The following ANKRD6 variants were observed in gnomAD, a reference collection of about 807,000 sequenced individuals.
The protein encoded by ANKRD6 is ankyrin repeat domain-containing protein 6.
In ANKRD6, 56 loss-of-function variants were observed where a neutral mutation model predicts 82.3. That is an observed-to-expected ratio of 0.68 (90% CI 0.55 to 0.85). The LOEUF (loss-of-function observed/expected upper bound fraction) is 0.85. ANKRD6 is among the 40% of genes least tolerant of loss of function. The probability of loss-of-function intolerance (pLI) is 0.00; values close to 1 mark genes in which losing one functional copy is unlikely to be tolerated. For missense variants in ANKRD6, 852 were observed against 907.6 expected (o/e 0.94, Z 0.79); for synonymous variants, 347 against 352.1 (o/e 0.99, Z 0.16).
intron 3 of ANKRD6, among the ~76,000 whole-genome samples, chr6:89,596,331 G>C (rs767794847): frequency 2.6e-4 from 40 of 152,116 alleles, no homozygotes; most frequent in Non-Finnish European, 8.8e-5. Flanking sequence ...TCCTGTCTCA[G>C]CATAAAGAGA....
intron 2 of ANKRD6, among the ~76,000 whole-genome samples, chr6:89,590,276 C>T (rs933949419): frequency 2.6e-5 from 4 of 152,084 alleles, no homozygotes; most frequent in African/African-American, 7.2e-5. Flanking sequence ...GCCTGAAGTG[C>T]GGGTTTAGCC....
At chr6:89,467,253 T>C (rs568127838) in intron 1 of ANKRD6, among the ~76,000 whole-genome samples, 8 of 152,120 alleles carry the variant, frequency 5.3e-5, no homozygotes, top group Admixed American at 1.3e-4. Flanking sequence ...ATTCATGAGG[T>C]CTCTTAGAGA....
chr6:89,535,058 C>T (rs1180479984), intron 1 of ANKRD6, among the ~76,000 whole-genome samples: 2 of 152,092 alleles, frequency 1.3e-5, no homozygotes, highest in Admixed American at 1.3e-4. Context: ...TTAAGTAGAG[C>T]ACATAGCTTC....
chr6:89,528,412 A>G (rs1033776825), intron 1 of ANKRD6, among the ~76,000 whole-genome samples: 1 of 152,224 alleles, frequency 6.6e-6, no homozygotes, highest in Non-Finnish European at 1.5e-5. Flanking sequence ...CATTCATTCA[A>G]GTTTTATCAT....
At chr6:89,613,669 G>A in intron 6 of ANKRD6, 123 bp from the exon 7 acceptor site, 2 of 880,388 alleles carry the variant, frequency 2.3e-6, no homozygotes, top group Non-Finnish European at 3.5e-6. Context: ...TAAAAGAGCT[G>A]CTTATGATTC....
intron 1 of ANKRD6, among the ~76,000 whole-genome samples, chr6:89,520,529 C>T (rs1197594793): frequency 6.6e-6 from 1 of 152,242 alleles, no homozygotes. Flanking sequence ...CAGTAGTTCA[C>T]ATCACTGTTT....
rs550588829 is a variant in ANKRD6 at position 89,603,987 on chromosome 6, G to A, written c.318+860G>A. ...ACTGCATTCCAGCCTGGACGACAGAGTGAGACCTTGTCTCTTAACAAATAA... is the reference window on the plus strand; with the variant it reads ...ACTGCATTCCAGCCTGGACGACAGAATGAGACCTTGTCTCTTAACAAATAA... On this transcript the variant is annotated intron_variant, in intron 4 of 15. Transcript: ENST00000339746. 1.1e-3 allele frequency among the ~76,000 whole-genome samples: 170 copies of A among 152,322 alleles called. 1 individual carries two copies. The highest frequency in any genetic ancestry group is 1.5e-3 in the Non-Finnish European group (99 of 68,036).
At chr6:89,455,738 C>T (rs1773427896) in intron 1 of ANKRD6, among the ~76,000 whole-genome samples, 1 of 152,158 alleles carries the variant, frequency 6.6e-6, no homozygotes, top group African/African-American at 2.4e-5. Context: ...TCCCCTTCAC[C>T]TTCTGCTATA....
At chr6:89,559,174 C>A (rs1787040619) in intron 1 of ANKRD6, among the ~76,000 whole-genome samples, 1 of 152,250 alleles carries the variant, frequency 6.6e-6, no homozygotes, top group Non-Finnish European at 1.5e-5. Context: ...ACTGCCACCT[C>A]ATTTTCTAAC....
chr6:89,612,952 C>T (rs186355845), intron 6 of ANKRD6, among the ~76,000 whole-genome samples: 6 of 152,328 alleles, frequency 3.9e-5, no homozygotes, highest in Non-Finnish European at 5.9e-5. Flanking sequence ...TCTAAAGTGT[C>T]CTCAGGTGAG....
At chr6:89,456,047 G>A (rs773999368) in intron 1 of ANKRD6, among the ~76,000 whole-genome samples, 3 of 152,072 alleles carry the variant, frequency 2.0e-5, no homozygotes, top group African/African-American at 2.4e-5. Flanking sequence ...CTAATTTTTT[G>A]TATTTTTAGT....
In ANKRD6 at chr6:89,630,363, T is replaced by C; in HGVS notation, c.1613-70T>C. ...ATACAGGATCCTTAAGACTCTAAAATACTGACCCGCAGCCATATGACTGTG... is the reference window on the plus strand; with the variant it reads ...ATACAGGATCCTTAAGACTCTAAAACACTGACCCGCAGCCATATGACTGTG... On this transcript the variant is annotated intron_variant, in intron 15 of 15. Transcript: ENST00000339746. 5.9e-6 allele frequency: 9 copies of C among 1,528,268 alleles called. No individual in the cohort carries two copies. The South Asian group carries it at 1.2e-4, about 20-fold the overall frequency. 94.7% of individuals were successfully genotyped at this position (1,528,268 alleles called of 1,614,324 possible).
In ANKRD6 at chr6:89,624,060, A is replaced by G; in HGVS notation, c.1218+3A>G. 6.2e-7 allele frequency: 1 copy of G among 1,607,678 alleles called. No homozygotes were observed. On this transcript the variant is annotated splice_donor_region_variant and intron_variant, in intron 12 of 15. Transcript: ENST00000339746. Reference sequence around the variant, plus strand: ...GCAAGGATGGGAAAGTGATGCAGGTACCTGCAAAGCAGTGTCAGGAGAAGG... The same window carrying G: ...GCAAGGATGGGAAAGTGATGCAGGTGCCTGCAAAGCAGTGTCAGGAGAAGG...
intron 1 of ANKRD6, among the ~76,000 whole-genome samples, chr6:89,531,946 C>A (rs1783202805): frequency 6.6e-6 from 1 of 152,176 alleles, no homozygotes; most frequent in Non-Finnish European, 1.5e-5. Flanking sequence ...CTAAGGCCAG[C>A]AGGCTGGAGA....
intron 1 of ANKRD6, among the ~76,000 whole-genome samples, chr6:89,441,489 AG>A (rs1771371039): frequency 6.6e-6 from 1 of 152,080 alleles, no homozygotes; most frequent in Non-Finnish European, 1.5e-5. Flanking sequence ...TCTTCCAGTT[AG>A]CTTCCTTAGA....
chr6:89,517,370 A>T (rs1334663512), intron 1 of ANKRD6, among the ~76,000 whole-genome samples: 2 of 152,184 alleles, frequency 1.3e-5, no homozygotes, highest in East Asian at 3.8e-4. Context: ...TTATAGAGGG[A>T]TAGTGTGTAA....
At chr6:89,527,614 A>G (rs985158507) in intron 1 of ANKRD6, among the ~76,000 whole-genome samples, 7 of 151,094 alleles carry the variant, frequency 4.6e-5, no homozygotes, top group Admixed American at 4.6e-4. Flanking sequence ...AAAAAAAAAA[A>G]AAAAAAAAAA....
At chr6:89,561,502 C>A (rs1787417961) in intron 1 of ANKRD6, 1 of 152,202 alleles carries the variant, frequency 6.6e-6, no homozygotes, top group South Asian at 2.1e-4. Flanking sequence ...GGGAGTAGAT[C>A]TTCTCAGAAG....
At position 89,458,751 on chromosome 6, in the gene ANKRD6, T is replaced by C. The variant is rs547054841; in HGVS notation, c.-144+25376T>C. ...GTCACTGACTCACATGTTAATCTCC[T>C]CTGGCAACACACTCACAGACACACC... On this transcript the variant is annotated intron_variant, in intron 1 of 15. Transcript: ENST00000339746. 6.6e-5 allele frequency among the ~76,000 whole-genome samples: 10 copies of C among 152,286 alleles called. No homozygotes were observed. The South Asian group carries it at 2.1e-3, about 32-fold the overall frequency.
Sources: gnomAD v4.1 joint callset for allele counts (sites outside exome capture counted in the v4.1 genomes callset) on GRCh38, gnomAD v4.1.1 for gene constraint, MANE v1.5 for transcripts, NCBI Gene and HGNC (gene_info 2026-07-23, HGNC 2026-07-21) for gene names.